SCARA5: variants seen among roughly 807,000 people sequenced by gnomAD.
SCARA5 encodes scavenger receptor class A, member 5 (putative).
A neutral mutation model predicts 46.3 loss-of-function variants in SCARA5; 45 were observed. The observed-to-expected ratio is 0.97, with a 90% confidence interval of 0.76 to 1.24. The LOEUF (loss-of-function observed/expected upper bound fraction) is 1.24, where lower values mean the gene tolerates loss of function less well. Among genes scored for constraint, SCARA5 ranks in the 50% most tolerant of loss-of-function variants. The probability of loss-of-function intolerance (pLI) is 0.00; values close to 1 mark genes in which losing one functional copy is unlikely to be tolerated. For synonymous variants in SCARA5, 333 were observed against 306.5 expected, an observed-to-expected ratio of 1.09 and a Z score of -0.90; for missense variants, 680 against 689.0, an observed-to-expected ratio of 0.99 and a Z score of 0.15.
rs1396872482 is a variant in SCARA5, at chr8:27,870,580, G to A, written c.*1354C>T. 1.3e-5 allele frequency: 2 copies of A among 152,090 alleles called. No homozygotes were observed. The highest frequency in any genetic ancestry group is 4.8e-5 in the African/African-American group (2 of 41,372). 9.4% of individuals were successfully genotyped at this position (152,090 alleles called of 1,614,324 possible). A position where few individuals can be genotyped will look rare whatever the true frequency, so the allele number is the denominator to read the frequency against. ...CCTATGAGTTTGAGATTCCCCCAAG[G>A]TGAGGTGGGTCTGCACTCACTTGCT... On this transcript the variant is annotated 3_prime_UTR_variant, in exon 9 of 9. Coordinates refer to ENST00000354914, the MANE Select transcript of SCARA5 (RefSeq NM_173833.6).
chr8:27,912,913 T>C (rs1807401065), intron 4 of SCARA5, among the ~76,000 whole-genome samples: 2 of 152,242 alleles, frequency 1.3e-5, no homozygotes, highest in South Asian at 4.1e-4. Context: ...GTTCTGATTC[T>C]ATTAAATGTG....
At chr8:27,987,751 C>G in intron 1 of SCARA5, 121 bp from the exon 2 acceptor site, 1 of 640,618 alleles carries the variant, frequency 1.6e-6, no homozygotes. Flanking sequence ...TGACCCTAAG[C>G]CTGAACACCG....
chr8:27,983,784 G>A (rs1020730794), intron 2 of SCARA5, among the ~76,000 whole-genome samples: 3 of 152,144 alleles, frequency 2.0e-5, no homozygotes, highest in East Asian at 1.9e-4. Context: ...GCCAGTGACC[G>A]GACCCGGGAC....
intron 2 of SCARA5, among the ~76,000 whole-genome samples, chr8:27,984,935 C>T (rs1404602158): frequency 6.6e-6 from 1 of 152,038 alleles, no homozygotes; most frequent in East Asian, 1.9e-4. Context: ...ACCCATTCAT[C>T]CATCCATTCA....
chr8:27,891,753 C>T (rs1057457835), intron 7 of SCARA5, among the ~76,000 whole-genome samples: 1 of 152,200 alleles, frequency 6.6e-6, no homozygotes, highest in Non-Finnish European at 1.5e-5. Context: ...ACCTCCCTGA[C>T]TCTACTGAGT....
chr8:27,911,284 C>T (rs545790809), intron 4 of SCARA5, among the ~76,000 whole-genome samples: 7 of 152,326 alleles, frequency 4.6e-5, no homozygotes, highest in African/African-American at 1.7e-4. Flanking sequence ...TGTGTCCCAT[C>T]TTTCCTAAGA....
chr8:27,944,527 A>G (rs1243689019), intron 3 of SCARA5, among the ~76,000 whole-genome samples: 2 of 152,162 alleles, frequency 1.3e-5, no homozygotes, highest in African/African-American at 4.8e-5. Context: ...AGCACTCTTT[A>G]TAGCTTCCAA....
At chr8:27,872,802 A>T (rs1209088014) in intron 8 of SCARA5, among the ~76,000 whole-genome samples, 1 of 152,232 alleles carries the variant, frequency 6.6e-6, no homozygotes, top group East Asian at 1.9e-4. Flanking sequence ...ACAAATAAAG[A>T]ACAGTTCCAA....
rs1427525915 is a variant in SCARA5 at position 27,875,201 on chromosome 8, TCCTC to T, written c.1352-3135_1352-3132del. On this transcript the variant is annotated intron_variant, in intron 8 of 8. Transcript: ENST00000354914. ...TCCCTCCCTCCCTCCCTCCCTTCAC[TCCTC>T]CCTCCCTCCCTCTCTTCACTCCTCC... 1.2e-4 allele frequency among the ~76,000 whole-genome samples: 9 copies of T among 74,300 alleles called. 1 individual carries two copies. Among genetic ancestry groups the T allele is most frequent in the African/African-American group, 3.6e-4 (9 of 24,692 alleles). The allele number at this position is 74,300 out of a possible 152,430, so 48.7% of individuals were successfully genotyped here.
chr8:27,886,334 T>C (rs1332572917), intron 7 of SCARA5, among the ~76,000 whole-genome samples: 1 of 152,222 alleles, frequency 6.6e-6, no homozygotes, highest in Non-Finnish European at 1.5e-5. Flanking sequence ...TCCCCTGGAC[T>C]CACCCAAATC....
At chr8:27,907,309 C>T in intron 5 of SCARA5, 63 bp from the exon 6 acceptor site, 1 of 1,235,298 alleles carries the variant, frequency 8.1e-7, no homozygotes, top group African/African-American at 1.5e-5. Context: ...CCTCAGAGGT[C>T]ATCGTCGGGT....
At chr8:27,986,199 G>A (rs985498282) in intron 2 of SCARA5, among the ~76,000 whole-genome samples, 2 of 152,244 alleles carry the variant, frequency 1.3e-5, no homozygotes, top group Non-Finnish European at 2.9e-5. Context: ...TCCTCCGCCT[G>A]ACTGGTGTGA....
At chr8:27,955,523 C>G (rs1808194075) in intron 3 of SCARA5, among the ~76,000 whole-genome samples, 1 of 152,216 alleles carries the variant, frequency 6.6e-6, no homozygotes, top group African/African-American at 2.4e-5. Context: ...TGGGGTGAAG[C>G]TGAACATTGT....
At position 27,921,553 on chromosome 8, in the gene SCARA5, G is replaced by A. The variant is rs1402406578; in HGVS notation, c.916+18C>T. The A allele has an allele frequency of 1.3e-6, 2 of 1,527,868 alleles. No homozygotes were observed. Among genetic ancestry groups the A allele is most frequent in the South Asian group, 2.6e-5 (2 of 77,666 alleles). 94.6% of individuals were successfully genotyped at this position (1,527,868 alleles called of 1,614,324 possible). A position where few individuals can be genotyped will look rare whatever the true frequency, so the allele number is the denominator to read the frequency against. On this transcript the variant is annotated intron_variant, in intron 4 of 8. Transcript: ENST00000354914. ...TCAGAAGGGGCCGTGGGTGGAGGCA[G>A]CAAGGGCCTGGCGGTACCTTTCGCG...
At chr8:27,928,574 C>T (rs191083651) in intron 3 of SCARA5, among the ~76,000 whole-genome samples, 1 of 152,276 alleles carries the variant, frequency 6.6e-6, no homozygotes, top group Non-Finnish European at 1.5e-5. Flanking sequence ...TTCCAGAGTC[C>T]CCAGCTCTTG....
Position 27,921,900 on chromosome 8 carries a change from T to G in SCARA5, c.587A>C (p.Gln196Pro). The G allele has an allele frequency of 6.6e-7, 1 of 1,511,722 alleles. No homozygotes were observed. Among genetic ancestry groups the G allele is most frequent in the Non-Finnish European group, 8.8e-7 (1 of 1,137,698 alleles). The allele number at this position is 1,511,722 out of a possible 1,614,324, so 93.6% of individuals were successfully genotyped here. A position where few individuals can be genotyped will look rare whatever the true frequency, so the allele number is the denominator to read the frequency against. The change falls in exon 4 of 9, where the codon CAG becomes CCG. Residue 196 changes from glutamine (Q) to proline (P), a missense_variant. Coordinates refer to ENST00000354914, the MANE Select transcript of SCARA5 (RefSeq NM_173833.6). Reference protein sequence around the residue: ...YQLQVESNSSQLLLRRHAGLL... With the variant: ...YQLQVESNSSPLLLRRHAGLL... ...GCCCGCGTGGCGCCTCAGCAGCAGCTGGCTACTGTTGCTCTCCACCTGCAG... is the reference window on the plus strand; with the variant it reads ...GCCCGCGTGGCGCCTCAGCAGCAGCGGGCTACTGTTGCTCTCCACCTGCAG...
chr8:27,985,045 CT>C (rs1808685746), intron 2 of SCARA5, among the ~76,000 whole-genome samples: 1 of 152,210 alleles, frequency 6.6e-6, no homozygotes, highest in Non-Finnish European at 1.5e-5. Flanking sequence ...TGAGCACTTA[CT>C]GTATGCTGGG....
intron 2 of SCARA5, among the ~76,000 whole-genome samples, chr8:27,982,002 G>A (rs572662479): frequency 1.1e-3 from 165 of 152,298 alleles, no homozygotes; most frequent in Middle Eastern, 3.4e-3. Flanking sequence ...TGACGGATAT[G>A]AAGGTAGATG....
intron 3 of SCARA5, among the ~76,000 whole-genome samples, chr8:27,948,632 G>C (rs954216036): frequency 6.6e-6 from 1 of 152,218 alleles, no homozygotes; most frequent in Non-Finnish European, 1.5e-5. Flanking sequence ...GTCCCACGGG[G>C]CTTGGTGGGT....
Sources: gnomAD v4.1 joint callset for allele counts (sites outside exome capture counted in the v4.1 genomes callset) on GRCh38, gnomAD v4.1.1 for gene constraint, MANE v1.5 for transcripts, NCBI Gene and HGNC (gene_info 2026-07-23, HGNC 2026-07-21) for gene names.